The following SCHIP1 variants were observed in gnomAD, a reference collection of about 807,000 sequenced individuals.
SCHIP1 encodes the protein schwannomin interacting protein 1.
SCHIP1 carries 8 observed loss-of-function variants against 29.7 expected under a neutral mutation model. That is an observed-to-expected ratio of 0.27 (90% confidence interval 0.16 to 0.49). SCHIP1 has a LOEUF of 0.49. SCHIP1 is among the 20% of genes least tolerant of loss of function. The pLI is 0.99. For synonymous variants in SCHIP1, 76 were observed against 94.9 expected, an observed-to-expected ratio of 0.80 and a Z score of 1.16; for missense variants, 193 against 294.6, an observed-to-expected ratio of 0.66 and a Z score of 2.52.
chr3:159,509,985 T>C, the SCHIP1 span, among the ~76,000 whole-genome samples: 2 of 152,158 alleles, frequency 1.3e-5, no homozygotes, highest in Non-Finnish European at 2.9e-5. Flanking sequence ...TGTGGCATTC[T>C]CTGTATTTCC....
the SCHIP1 span, among the ~76,000 whole-genome samples, chr3:159,399,124 T>C: frequency 1.2e-3 from 183 of 151,842 alleles, 2 homozygotes; most frequent in South Asian, 0.03. Context: ...AGTGGCTGTT[T>C]CGTCTGCTTG....
At chr3:159,564,549 A>C in the SCHIP1 span, among the ~76,000 whole-genome samples, 1 of 151,890 alleles carries the variant, frequency 6.6e-6, no homozygotes, top group South Asian at 2.1e-4. Context: ...GCTAATTTTG[A>C]ATTTTCAGTA....
the SCHIP1 span, among the ~76,000 whole-genome samples, chr3:159,406,263 G>A: frequency 1.3e-5 from 2 of 152,158 alleles, no homozygotes; most frequent in African/African-American, 4.8e-5. Context: ...GCTCCAATGT[G>A]TCTGACAGCA....
At chr3:159,433,126 G>C in the SCHIP1 span, among the ~76,000 whole-genome samples, 2 of 152,132 alleles carry the variant, frequency 1.3e-5, no homozygotes, top group African/African-American at 4.8e-5. Context: ...TGTATGCAAG[G>C]GTAAGCACAG....
chr3:159,626,214 CTAGATATA>C, the SCHIP1 span, among the ~76,000 whole-genome samples: 11 of 90,696 alleles, frequency 1.2e-4, no homozygotes, highest in African/African-American at 6.6e-4. Context: ...ATAGATATAT[CTAGATATA>C]TATATATCTA....
At chr3:159,419,633 A>T in the SCHIP1 span, among the ~76,000 whole-genome samples, 1 of 152,044 alleles carries the variant, frequency 6.6e-6, no homozygotes, top group East Asian at 1.9e-4. Flanking sequence ...ACATGGTGAA[A>T]CCCCATCTCT....
At chr3:159,633,933 A>G in the SCHIP1 span, among the ~76,000 whole-genome samples, 2 of 152,206 alleles carry the variant, frequency 1.3e-5, no homozygotes, top group African/African-American at 4.8e-5. Flanking sequence ...TACGCATAAC[A>G]GTAAAAAAAG....
chr3:159,521,085 A>C, the SCHIP1 span, among the ~76,000 whole-genome samples: 1 of 152,232 alleles, frequency 6.6e-6, no homozygotes, highest in East Asian at 1.9e-4. Flanking sequence ...TGTAAAAGTT[A>C]TTCCCATTTA....
chr3:159,395,132 G>A, the SCHIP1 span, among the ~76,000 whole-genome samples: 1,809 of 152,158 alleles, frequency 0.012, 36 homozygotes, highest in African/African-American at 0.042. Context: ...ATTCTCTGAT[G>A]GTAGTTTGTA....
intron 1 of SCHIP1, among the ~76,000 whole-genome samples, chr3:159,865,757 G>A (rs565461572): frequency 2.0e-5 from 3 of 152,332 alleles, no homozygotes; most frequent in East Asian, 1.9e-4. Context: ...CTAAAGGGAC[G>A]TGTAAAGCAG....
chr3:159,403,191 G>A, the SCHIP1 span, among the ~76,000 whole-genome samples: 6 of 152,144 alleles, frequency 3.9e-5, no homozygotes, highest in Non-Finnish European at 5.9e-5. Context: ...GCAAAAATGA[G>A]GAGGGTGGAG....
chr3:159,308,677 A>C, the SCHIP1 span, among the ~76,000 whole-genome samples: 1 of 152,228 alleles, frequency 6.6e-6, no homozygotes, highest in African/African-American at 2.4e-5. Context: ...TACCCAAAAG[A>C]AAATAAATCA....
chr3:159,544,544 T>C, the SCHIP1 span, among the ~76,000 whole-genome samples: 3 of 152,118 alleles, frequency 2.0e-5, no homozygotes. Flanking sequence ...TGTTTAAGTT[T>C]GACCATTCTG....
the SCHIP1 span, among the ~76,000 whole-genome samples, chr3:159,413,527 T>A: frequency 0.14 from 21,149 of 152,148 alleles, 1,720 homozygotes; most frequent in African/African-American, 0.2. Context: ...TTCCAGGAAG[T>A]CTTCCAGGAG....
the SCHIP1 span, among the ~76,000 whole-genome samples, chr3:159,596,824 G>A: frequency 2.1e-4 from 32 of 152,170 alleles, 1 homozygote; most frequent in South Asian, 6.2e-3. Context: ...GGGAGGGATA[G>A]CATTAGGAGA....
At chr3:159,312,779 G>A in the SCHIP1 span, among the ~76,000 whole-genome samples, 571 of 152,196 alleles carry the variant, frequency 3.8e-3, 2 homozygotes, top group African/African-American at 0.013. Flanking sequence ...ACCACCTGCT[G>A]ACCTATGAAT....
At chr3:159,500,209 C>G in the SCHIP1 span, among the ~76,000 whole-genome samples, 1 of 152,034 alleles carries the variant, frequency 6.6e-6, no homozygotes, top group South Asian at 2.1e-4. Flanking sequence ...CGAAATGTCA[C>G]TCTCAGGATG....
the SCHIP1 span, among the ~76,000 whole-genome samples, chr3:159,714,122 A>G: frequency 1.3e-5 from 2 of 152,168 alleles, no homozygotes; most frequent in Non-Finnish European, 2.9e-5. Context: ...CTGTAGCCCC[A>G]GCTACTTGGG....
At position 159,875,183 on chromosome 3, in the gene SCHIP1, ATTC is replaced by A. The variant is rs1324353473; in HGVS notation, c.149+8907_149+8909del. ...CAAAACAAATCTAATTATGTAAGCA[ATTC>A]TTCTCCTTCACAAACCTGAAAGAAA... On this transcript the variant is annotated intron_variant, in intron 2 of 6. Coordinates refer to ENST00000445224, the Ensembl canonical transcript of SCHIP1. Among the ~76,000 whole-genome samples the A allele has an allele frequency of 1.1e-4, 17 of 152,336 alleles. No homozygotes were observed. The East Asian group carries it at 2.5e-3, about 22-fold the overall frequency.
Sources: allele counts gnomAD v4.1 joint callset (sites outside exome capture counted in the v4.1 genomes callset), GRCh38; gene constraint gnomAD v4.1.1; transcripts MANE v1.5; gene names NCBI Gene and HGNC (gene_info 2026-07-23, HGNC 2026-07-21).